The following LHFPL3 variants were observed in gnomAD, a reference collection of about 807,000 sequenced individuals.
LHFPL3 encodes the protein LHFPL tetraspan subfamily member 3, also known as LHFPL tetraspan subfamily member 3 protein.
LHFPL3 carries 5 observed loss-of-function variants against 19.3 expected under a neutral mutation model. That is an observed-to-expected ratio of 0.26 (90% CI 0.14 to 0.54). LHFPL3 has a LOEUF of 0.54. Ranked by LOEUF, LHFPL3 falls within the 20% of genes least tolerant of loss-of-function variation. LHFPL3 has a pLI of 0.94. For missense variants in LHFPL3, 249 were observed against 307.4 expected (o/e 0.81, Z 1.42); for synonymous variants, 133 against 126.2 (o/e 1.05, Z -0.36).
At chr7:104,557,504 A>T (rs915005897) in intron 1 of LHFPL3, among the ~76,000 whole-genome samples, 2 of 152,108 alleles carry the variant, frequency 1.3e-5, no homozygotes, top group African/African-American at 4.8e-5. Flanking sequence ...ACATAATTCA[A>T]TCATCTCACA....
chr7:104,855,946 G>C (rs184936979), intron 2 of LHFPL3, among the ~76,000 whole-genome samples: 1 of 152,210 alleles, frequency 6.6e-6, no homozygotes, highest in Non-Finnish European at 1.5e-5. Flanking sequence ...GTCCATGCTT[G>C]CACAACACCA....
At chr7:104,430,425 TATATATATATATATATATATATATATA>T (rs1791962755) in intron 1 of LHFPL3, among the ~76,000 whole-genome samples, 1 of 12,274 alleles carries the variant, frequency 8.1e-5, no homozygotes, top group Admixed American at 8.7e-4. Context: ...TATACATATA[TATATATATATATATATATATATATATA>T]TATTTTTTTT....
chr7:104,446,844 G>A (rs1187213644), intron 1 of LHFPL3, among the ~76,000 whole-genome samples: 2 of 152,088 alleles, frequency 1.3e-5, no homozygotes, highest in African/African-American at 4.8e-5. Context: ...ACAACACCCG[G>A]CCGATTCTAT....
intron 1 of LHFPL3, among the ~76,000 whole-genome samples, chr7:104,376,034 A>G (rs920244366): frequency 6.6e-6 from 1 of 152,220 alleles, no homozygotes; most frequent in Non-Finnish European, 1.5e-5. Flanking sequence ...TTTATGGCAC[A>G]TTAGGTTATC....
chr7:104,655,029 T>TC (rs1396446516), intron 1 of LHFPL3, among the ~76,000 whole-genome samples: 2 of 152,270 alleles, frequency 1.3e-5, no homozygotes, highest in African/African-American at 4.8e-5. Context: ...CCTGCCTCTT[T>TC]CCCTTCTTCC....
chr7:104,602,266 C>A (rs1790986834), intron 1 of LHFPL3, among the ~76,000 whole-genome samples: 1 of 152,038 alleles, frequency 6.6e-6, no homozygotes, highest in South Asian at 2.1e-4. Context: ...AGTAATCCTC[C>A]CACCTTGGCC....
At chr7:104,841,635 G>A (rs1372947040) in intron 2 of LHFPL3, among the ~76,000 whole-genome samples, 1 of 151,676 alleles carries the variant, frequency 6.6e-6, no homozygotes, top group African/African-American at 2.4e-5. Context: ...TCTTTGCTCC[G>A]TCTGTGAATC....
intron 1 of LHFPL3, among the ~76,000 whole-genome samples, chr7:104,487,754 C>G (rs73407606): frequency 0.014 from 2,098 of 152,348 alleles, 46 homozygotes; most frequent in African/African-American, 0.047. Context: ...TTCTCCATCA[C>G]TTTCTGAATC....
chr7:104,821,856 T>C (rs146181277), intron 2 of LHFPL3, among the ~76,000 whole-genome samples: 5 of 152,216 alleles, frequency 3.3e-5, no homozygotes, highest in Non-Finnish European at 7.3e-5. Context: ...AAATGCACTT[T>C]GCAAACATAG....
chr7:104,438,067 G>C (rs10263003), intron 1 of LHFPL3, among the ~76,000 whole-genome samples: 30,958 of 152,044 alleles, frequency 0.2, 3,602 homozygotes, highest in Admixed American at 0.33. Flanking sequence ...ATTGGAAGCT[G>C]TATGTTAGAA....
intron 1 of LHFPL3, among the ~76,000 whole-genome samples, chr7:104,359,134 C>G (rs1464250149): frequency 1.3e-5 from 2 of 152,190 alleles, no homozygotes; most frequent in Non-Finnish European, 2.9e-5. Context: ...CTATTTACGC[C>G]TATGCTTCTT....
chr7:104,668,136 C>G, intron 1 of LHFPL3: 1 of 1,614,030 alleles, frequency 6.2e-7, no homozygotes, highest in Admixed American at 1.7e-5. Flanking sequence ...ACCACGTGAA[C>G]CCAGCAATCC....
intron 1 of LHFPL3, among the ~76,000 whole-genome samples, chr7:104,456,451 C>A (rs535654456): frequency 6.6e-6 from 1 of 152,180 alleles, no homozygotes; most frequent in African/African-American, 2.4e-5. Context: ...TTTCCAAGAC[C>A]CCCAGTGGAT....
chr7:104,866,295 GTCAAGACCCATCAGTGTGCTGTAT>G, intron 2 of LHFPL3, among the ~76,000 whole-genome samples: 1 of 152,160 alleles, frequency 6.6e-6, no homozygotes, highest in Admixed American at 6.5e-5. Flanking sequence ...TGGATAAAGA[GTCAAGACCCATCAGTGTGCTGTAT>G]TCAAGAAACC....
At chr7:104,886,863 TC>T (rs1266460758) in intron 2 of LHFPL3, among the ~76,000 whole-genome samples, 1 of 152,202 alleles carries the variant, frequency 6.6e-6, no homozygotes, top group African/African-American at 2.4e-5. Context: ...AGCTGCTCTC[TC>T]TGAAAATCAA....
intron 2 of LHFPL3, among the ~76,000 whole-genome samples, chr7:104,762,812 C>G (rs10953449): frequency 0.22 from 33,587 of 152,116 alleles, 3,973 homozygotes; most frequent in South Asian, 0.43. Context: ...CATAAAGGCC[C>G]TCGCTAATAA....
intron 1 of LHFPL3, among the ~76,000 whole-genome samples, chr7:104,728,872 C>T (rs1243521853): frequency 1.3e-5 from 2 of 152,088 alleles, no homozygotes; most frequent in African/African-American, 4.8e-5. Context: ...ACTGTTGAAG[C>T]AACTGTTGAA....
intron 1 of LHFPL3, among the ~76,000 whole-genome samples, chr7:104,502,145 C>A (rs1793607877): frequency 6.6e-6 from 1 of 152,136 alleles, no homozygotes; most frequent in Admixed American, 6.5e-5. Flanking sequence ...AAAATTAATT[C>A]AGATTTTTTT....
At chr7:104,340,831 G>T (rs948688263) in intron 1 of LHFPL3, among the ~76,000 whole-genome samples, 1 of 152,132 alleles carries the variant, frequency 6.6e-6, no homozygotes, top group Non-Finnish European at 1.5e-5. Flanking sequence ...CTGGAGTAAT[G>T]ACTGAAAATA....
Sources: gnomAD v4.1 joint callset for allele counts (sites outside exome capture counted in the v4.1 genomes callset) on GRCh38, gnomAD v4.1.1 for gene constraint, MANE v1.5 for transcripts, NCBI Gene and HGNC (gene_info 2026-07-23, HGNC 2026-07-21) for gene names.